The following OPCML variants were observed in gnomAD, a reference collection of about 807,000 sequenced individuals.
OPCML encodes the protein opioid binding protein/cell adhesion molecule like, also known as opioid-binding protein/cell adhesion molecule.
OPCML carries 13 observed loss-of-function variants against 37.8 expected under a neutral mutation model. The ratio of observed to expected loss-of-function variants is 0.34; its 90% confidence interval spans 0.22 to 0.55. The LOEUF is 0.55. OPCML is among the 20% of genes least tolerant of loss of function. The pLI is 0.91. For synonymous variants in OPCML, 176 were observed against 168.8 expected (o/e 1.04, Z -0.33); for missense variants, 341 against 435.6 (o/e 0.78, Z 1.93).
At chr11:132,589,453 C>G (rs2096480583) in intron 3 of OPCML, among the ~76,000 whole-genome samples, 1 of 152,166 alleles carries the variant, frequency 6.6e-6, no homozygotes, top group Admixed American at 6.5e-5. Flanking sequence ...TGATCCCTGT[C>G]CTCATGGAGA....
At chr11:132,672,143 C>T (rs1390792159) in intron 2 of OPCML, among the ~76,000 whole-genome samples, 1 of 152,128 alleles carries the variant, frequency 6.6e-6, no homozygotes, top group Admixed American at 6.5e-5. Context: ...TTTTCCTGCT[C>T]ACACCTAGAC....
chr11:133,429,304 C>G (rs1453198485), intron 1 of OPCML, among the ~76,000 whole-genome samples: 1 of 152,168 alleles, frequency 6.6e-6, no homozygotes, highest in Non-Finnish European at 1.5e-5. Flanking sequence ...TCCTCTTGCT[C>G]TAGTAACTGA....
intron 4 of OPCML, among the ~76,000 whole-genome samples, chr11:132,465,485 A>AT (rs994082375): frequency 2.0e-5 from 3 of 151,798 alleles, no homozygotes; most frequent in Non-Finnish European, 4.4e-5. Flanking sequence ...ATCCACTTGT[A>AT]TTTTTTTACT....
chr11:132,904,977 T>G (rs1432254386), intron 2 of OPCML, among the ~76,000 whole-genome samples: 1 of 152,200 alleles, frequency 6.6e-6, no homozygotes. Context: ...CAGAACCCAG[T>G]GTACATGCTC....
At chr11:132,742,012 A>T (rs190461089) in intron 2 of OPCML, among the ~76,000 whole-genome samples, 1 of 152,056 alleles carries the variant, frequency 6.6e-6, no homozygotes, top group East Asian at 1.9e-4. Flanking sequence ...CTGGGCAACA[A>T]GAGCAAAACT....
At chr11:132,734,026 T>C (rs1267190716) in intron 2 of OPCML, among the ~76,000 whole-genome samples, 1 of 152,222 alleles carries the variant, frequency 6.6e-6, no homozygotes, top group Non-Finnish European at 1.5e-5. Context: ...GACTCAGTTT[T>C]CTTATGTGTA....
At chr11:132,724,773 C>G (rs1397722598) in intron 2 of OPCML, among the ~76,000 whole-genome samples, 1 of 152,164 alleles carries the variant, frequency 6.6e-6, no homozygotes, top group African/African-American at 2.4e-5. Flanking sequence ...TACAGCCATT[C>G]CAAACGGAAG....
rs1947019593 is a variant in OPCML, at chr11:132,781,621, CT to C, written c.147-124303del. ...ATACATACACACACACACACACACC[CT>C]ATTTTTTTTTTTTGGTCTGGAAAAC... On this transcript the variant is annotated intron_variant, in intron 2 of 7. Transcript: ENST00000524381. Among the ~76,000 whole-genome samples, 3 of 142,094 alleles carry C rather than the reference CT, an allele frequency of 2.1e-5. 1 individual carries two copies. The South Asian group carries it at 6.4e-4, about 31-fold the overall frequency. The allele number at this position is 142,094 out of a possible 152,430, so 93.2% of individuals were successfully genotyped here. A position where few individuals can be genotyped will look rare whatever the true frequency, so the allele number is the denominator to read the frequency against.
At chr11:132,703,861 C>G (rs553341498) in intron 2 of OPCML, among the ~76,000 whole-genome samples, 1 of 152,126 alleles carries the variant, frequency 6.6e-6, no homozygotes, top group Non-Finnish European at 1.5e-5. Context: ...ATGAATCTAG[C>G]CTGGTGCTGA....
At chr11:132,987,382 G>A (rs921996026) in intron 1 of OPCML, among the ~76,000 whole-genome samples, 14 of 152,222 alleles carry the variant, frequency 9.2e-5, no homozygotes, top group African/African-American at 2.9e-4. Context: ...GGGCCTCTGC[G>A]TGTACCTGGG....
chr11:133,239,262 T>C (rs931703083), intron 1 of OPCML, among the ~76,000 whole-genome samples: 3 of 152,256 alleles, frequency 2.0e-5, no homozygotes, highest in Non-Finnish European at 4.4e-5. Context: ...TTGGTGGAGA[T>C]GTCTGACATT....
At chr11:132,870,363 C>T (rs1454736143) in intron 2 of OPCML, among the ~76,000 whole-genome samples, 1 of 152,118 alleles carries the variant, frequency 6.6e-6, no homozygotes, top group Admixed American at 6.6e-5. Flanking sequence ...AAGGATAACA[C>T]ATGTTGGCCA....
chr11:133,165,231 G>A (rs147796020), intron 1 of OPCML, among the ~76,000 whole-genome samples: 1 of 152,164 alleles, frequency 6.6e-6, no homozygotes, highest in Non-Finnish European at 1.5e-5. Flanking sequence ...TGTCTCTCCA[G>A]TCGCACTGGG....
intron 1 of OPCML, among the ~76,000 whole-genome samples, chr11:132,993,062 A>T (rs1205953991): frequency 6.6e-6 from 1 of 152,044 alleles, no homozygotes; most frequent in African/African-American, 2.4e-5. Context: ...CTGCAGATCC[A>T]CACCCTCCCC....
At chr11:133,253,438 T>C (rs1345495817) in intron 1 of OPCML, among the ~76,000 whole-genome samples, 2 of 152,174 alleles carry the variant, frequency 1.3e-5, no homozygotes, top group African/African-American at 2.4e-5. Flanking sequence ...GTCTCCCAAG[T>C]AACCAGGATT....
chr11:132,528,403 T>C (rs936530580), intron 4 of OPCML, among the ~76,000 whole-genome samples: 49 of 152,328 alleles, frequency 3.2e-4, no homozygotes, highest in African/African-American at 1.2e-3. Flanking sequence ...AGTGGCTCTG[T>C]GCCCACCTCT....
chr11:133,106,758 AG>A (rs1236058463), intron 1 of OPCML, among the ~76,000 whole-genome samples: 31 of 152,252 alleles, frequency 2.0e-4, no homozygotes. Flanking sequence ...AAAAATAAAA[AG>A]TAAATATACA....
chr11:133,248,972 A>T (rs887789272), intron 1 of OPCML, among the ~76,000 whole-genome samples: 2 of 152,226 alleles, frequency 1.3e-5, no homozygotes, highest in African/African-American at 2.4e-5. Flanking sequence ...TGTCTTGCAA[A>T]CATGTCAGGA....
chr11:132,827,605 G>A (rs988049285), intron 2 of OPCML, among the ~76,000 whole-genome samples: 3 of 152,138 alleles, frequency 2.0e-5, no homozygotes, highest in African/African-American at 7.2e-5. Flanking sequence ...AAAAACCTGT[G>A]CACCAATGTG....
Sources: gnomAD v4.1 joint callset for allele counts (sites outside exome capture counted in the v4.1 genomes callset) on GRCh38, gnomAD v4.1.1 for gene constraint, MANE v1.5 for transcripts, NCBI Gene and HGNC (gene_info 2026-07-23, HGNC 2026-07-21) for gene names.